Variants in RAB38 observed in about 807,000 individuals in gnomAD.
RAB38 encodes the protein ras-related protein Rab-38.
In RAB38, 15 loss-of-function variants were observed where a neutral mutation model predicts 18.4. The observed-to-expected ratio is 0.82, with a 90% CI of 0.55 to 1.26. The LOEUF (loss-of-function observed/expected upper bound fraction) is 1.26, where lower values mean the gene tolerates loss of function less well. Ranked by LOEUF, RAB38 falls within the 50% of genes most tolerant of loss-of-function variation. The probability of loss-of-function intolerance (pLI) is 0.00; values close to 1 mark genes in which losing one functional copy is unlikely to be tolerated. For missense variants in RAB38, 294 were observed against 267.4 expected, an observed-to-expected ratio of 1.10 and a Z score of -0.69; for synonymous variants, 101 against 104.4, an observed-to-expected ratio of 0.97 and a Z score of 0.20.
chr11:87,846,209 CAG>C, the RAB38 span, among the ~76,000 whole-genome samples: 2 of 151,914 alleles, frequency 1.3e-5, no homozygotes, highest in Admixed American at 1.3e-4. Flanking sequence ...AGAAGAGAAA[CAG>C]AAAACAAGAG....
chr11:88,055,834 G>A, the RAB38 span, among the ~76,000 whole-genome samples: 4 of 152,146 alleles, frequency 2.6e-5, no homozygotes, highest in Non-Finnish European at 5.9e-5. Context: ...ACTCAGAGTA[G>A]GAGGCACCGG....
the RAB38 span, among the ~76,000 whole-genome samples, chr11:88,008,232 A>T: frequency 1.3e-5 from 2 of 152,192 alleles, no homozygotes; most frequent in African/African-American, 2.4e-5. Context: ...TCTATTTTTT[A>T]AAATATTATA....
chr11:87,940,857 C>A, the RAB38 span, among the ~76,000 whole-genome samples: 3 of 151,962 alleles, frequency 2.0e-5, no homozygotes, highest in African/African-American at 7.2e-5. Flanking sequence ...GTCTCAAACT[C>A]CTGACCTCAA....
At chr11:88,091,643 A>G in the RAB38 span, among the ~76,000 whole-genome samples, 1 of 152,024 alleles carries the variant, frequency 6.6e-6, no homozygotes, top group East Asian at 2.0e-4. Context: ...TCTCACTACC[A>G]CATCAGTTAT....
At chr11:88,165,278 G>A (rs1943233844) in intron 1 of RAB38, among the ~76,000 whole-genome samples, 1 of 152,090 alleles carries the variant, frequency 6.6e-6, no homozygotes, top group African/African-American at 2.4e-5. Context: ...ATCCCAGCAT[G>A]ACCTGCTACT....
At chr11:88,059,112 C>A in the RAB38 span, among the ~76,000 whole-genome samples, 1 of 152,142 alleles carries the variant, frequency 6.6e-6, no homozygotes, top group Admixed American at 6.5e-5. Flanking sequence ...TAAGCCTCAG[C>A]GTTCTTGTCT....
At chr11:87,977,911 A>G in the RAB38 span, among the ~76,000 whole-genome samples, 1 of 114,022 alleles carries the variant, frequency 8.8e-6, no homozygotes, top group African/African-American at 3.5e-5. Context: ...ATAATTATAT[A>G]CATAAATATG....
At chr11:88,095,430 G>T in the RAB38 span, among the ~76,000 whole-genome samples, 1 of 151,666 alleles carries the variant, frequency 6.6e-6, no homozygotes, top group Non-Finnish European at 1.5e-5. Context: ...TGATGTAGTT[G>T]CTCCTGTCTT....
At chr11:88,100,094 G>C in the RAB38 span, 1 of 151,736 alleles carries the variant, frequency 6.6e-6, no homozygotes, top group Non-Finnish European at 1.5e-5. Context: ...TAGTGCACTT[G>C]ACTCATCTTA....
the RAB38 span, among the ~76,000 whole-genome samples, chr11:87,866,816 C>T: frequency 1.4e-3 from 217 of 151,834 alleles, no homozygotes; most frequent in African/African-American, 5.0e-3. Context: ...AGGGTCACAG[C>T]AAGGAGCATT....
At chr11:87,830,273 A>G in the RAB38 span, among the ~76,000 whole-genome samples, 1 of 152,100 alleles carries the variant, frequency 6.6e-6, no homozygotes, top group Non-Finnish European at 1.5e-5. Context: ...TGAGCTCAGG[A>G]GTTTGAGACC....
the RAB38 span, among the ~76,000 whole-genome samples, chr11:88,006,635 A>ATG: frequency 1.4e-5 from 2 of 147,364 alleles, no homozygotes; most frequent in South Asian, 2.1e-4. Flanking sequence ...TAATATATAT[A>ATG]TACACATATA....
the RAB38 span, among the ~76,000 whole-genome samples, chr11:87,975,170 C>G: frequency 6.6e-6 from 1 of 151,820 alleles, no homozygotes; most frequent in Non-Finnish European, 1.5e-5. Flanking sequence ...GGAAGTCAGT[C>G]ATAGGATTTG....
At chr11:87,830,019 C>T in the RAB38 span, among the ~76,000 whole-genome samples, 1 of 152,126 alleles carries the variant, frequency 6.6e-6, no homozygotes, top group Non-Finnish European at 1.5e-5. Flanking sequence ...ATAGTCAGTT[C>T]AGTCAGTACT....
At chr11:88,100,210 T>G in the RAB38 span, 2 of 151,912 alleles carry the variant, frequency 1.3e-5, no homozygotes, top group African/African-American at 4.8e-5. Flanking sequence ...CCTAAAAAGT[T>G]GAAAAGTCAC....
chr11:88,155,188 C>T (rs1358428936), intron 1 of RAB38, among the ~76,000 whole-genome samples: 1 of 152,226 alleles, frequency 6.6e-6, no homozygotes, highest in Non-Finnish European at 1.5e-5. Flanking sequence ...GATGAACCTA[C>T]CTGGTCTGGC....
the RAB38 span, among the ~76,000 whole-genome samples, chr11:88,023,439 G>T: frequency 6.6e-6 from 1 of 151,266 alleles, no homozygotes; most frequent in Non-Finnish European, 1.5e-5. Flanking sequence ...TTAATGGACT[G>T]GAAGAATCAA....
intron 1 of RAB38, among the ~76,000 whole-genome samples, chr11:88,161,197 T>C (rs1211894898): frequency 1.3e-5 from 2 of 152,144 alleles, no homozygotes; most frequent in African/African-American, 2.4e-5. Flanking sequence ...AAGTGCTCCA[T>C]GGCCAAGTCC....
the RAB38 span, among the ~76,000 whole-genome samples, chr11:87,897,562 C>G: frequency 1.3e-5 from 2 of 151,466 alleles, no homozygotes; most frequent in African/African-American, 4.8e-5. Context: ...TGAAAAGCAG[C>G]AGAAATATTT....
Sources: allele counts gnomAD v4.1 joint callset (sites outside exome capture counted in the v4.1 genomes callset), GRCh38; gene constraint gnomAD v4.1.1; transcripts MANE v1.5; gene names NCBI Gene and HGNC (gene_info 2026-07-23, HGNC 2026-07-21).